CFH: variants seen among roughly 807,000 people sequenced by gnomAD.
CFH encodes the protein complement factor H, also known as H factor 1 (complement).
In CFH, 53 loss-of-function variants were observed where a neutral mutation model predicts 147.3. The observed-to-expected ratio is 0.36, with a 90% CI of 0.29 to 0.45. The LOEUF is 0.45. Among genes scored for constraint, CFH ranks in the 20% least tolerant of loss-of-function variants. CFH has a pLI of 1.00. For missense variants in CFH, 1,380 were observed against 1,498.0 expected, an observed-to-expected ratio of 0.92 and a Z score of 1.30; for synonymous variants, 536 against 489.4, an observed-to-expected ratio of 1.10 and a Z score of -1.26.
At chr1:196,696,205 T>C (rs1668260437) in intron 9 of CFH, among the ~76,000 whole-genome samples, 1 of 152,046 alleles carries the variant, frequency 6.6e-6, no homozygotes, top group Admixed American at 6.6e-5. Context: ...ACCATATAAT[T>C]GGAAGTAAAA....
At chr1:196,676,195 G>A (rs1667447419) in intron 4 of CFH, 130 bp downstream of exon 4, 1 of 567,800 alleles carries the variant, frequency 1.8e-6, no homozygotes, top group African/African-American at 1.9e-5. Flanking sequence ...ATACAATGTA[G>A]AGTGGGAATC....
intron 1 of CFH, among the ~76,000 whole-genome samples, chr1:196,657,249 GTA>G (rs1422633358): frequency 1.3e-5 from 2 of 151,770 alleles, no homozygotes; most frequent in Admixed American, 6.6e-5. Flanking sequence ...GTTTACAAAG[GTA>G]TATATGTTAC....
chr1:196,687,724 G>A (rs1667875420), intron 7 of CFH, among the ~76,000 whole-genome samples: 1 of 151,802 alleles, frequency 6.6e-6, no homozygotes, highest in Non-Finnish European at 1.5e-5. Context: ...AAATCCAATG[G>A]TAAATAGAAA....
At chr1:196,713,991 G>A in intron 10 of CFH, 74 bp downstream of exon 10, 4 of 1,300,458 alleles carry the variant, frequency 3.1e-6, no homozygotes, top group Non-Finnish European at 4.4e-6. Flanking sequence ...TCTTTTTGTG[G>A]GGGCTGATAT....
intron 9 of CFH, among the ~76,000 whole-genome samples, chr1:196,695,285 T>G (rs1369220381): frequency 6.6e-6 from 1 of 152,204 alleles, no homozygotes; most frequent in Non-Finnish European, 1.5e-5. Flanking sequence ...ATTGCTTGTT[T>G]TTGTCAGGTT....
At chr1:196,682,457 T>A (rs899595860) in intron 6 of CFH, among the ~76,000 whole-genome samples, 1 of 151,714 alleles carries the variant, frequency 6.6e-6, no homozygotes, top group African/African-American at 2.4e-5. Flanking sequence ...TGCTTGAGCA[T>A]AATCACCAGA....
intron 9 of CFH, chr1:196,700,721 C>G (rs1449166505): frequency 4.3e-6 from 2 of 465,554 alleles, no homozygotes; most frequent in Non-Finnish European, 5.6e-6. Flanking sequence ...CATTTACCTA[C>G]AGTCCAGTGC....
At chr1:196,747,023 A>G (rs375125645) in intron 21 of CFH, 88 bp from the exon 22 acceptor site, 2 of 1,576,524 alleles carry the variant, frequency 1.3e-6, no homozygotes, top group East Asian at 2.3e-5. Flanking sequence ...TTCCTGAACC[A>G]TCATATAACA....
intron 1 of CFH, among the ~76,000 whole-genome samples, chr1:196,669,431 G>A (rs1243185030): frequency 2.6e-5 from 4 of 152,120 alleles, no homozygotes; most frequent in South Asian, 4.1e-4. Context: ...TGGTTGCCTC[G>A]GAAGGAAAAA....
chr1:196,741,305 A>G (rs758361536), intron 18 of CFH: 2 of 179,538 alleles, frequency 1.1e-5, no homozygotes, highest in Non-Finnish European at 2.4e-5. Context: ...ACAGTTCCTC[A>G]TGACTGAGGA....
intron 1 of CFH, among the ~76,000 whole-genome samples, chr1:196,653,814 T>C (rs543378218): frequency 1.3e-5 from 2 of 152,236 alleles, no homozygotes; most frequent in Admixed American, 1.3e-4. Context: ...ATCGGCACTA[T>C]ATATGTTATG....
chr1:196,723,863 C>T (rs544696956), intron 11 of CFH, among the ~76,000 whole-genome samples: 175 of 151,960 alleles, frequency 1.2e-3, no homozygotes, highest in Non-Finnish European at 2.1e-3. Flanking sequence ...CTACAATGTC[C>T]GTCCTCTGGT....
At chr1:196,673,536 C>T in intron 2 of CFH, 1 of 376,742 alleles carries the variant, frequency 2.7e-6, no homozygotes, top group Non-Finnish European at 5.0e-6. Context: ...GGGGTTTCAC[C>T]AATGCTGGGC....
intron 9 of CFH, among the ~76,000 whole-genome samples, chr1:196,696,833 C>A (rs1229609072): frequency 6.6e-6 from 1 of 151,980 alleles, no homozygotes; most frequent in African/African-American, 2.4e-5. Context: ...CAGAACAGAG[C>A]CTTCAGAAAT....
intron 3 of CFH, 94 bp downstream of exon 3, chr1:196,674,056 G>T: frequency 1.1e-6 from 1 of 893,580 alleles, no homozygotes; most frequent in Non-Finnish European, 1.8e-6. Context: ...ATTTTTCTAT[G>T]AGCATTTAAA....
chr1:196,728,730 C>G (rs1248331009), intron 15 of CFH, among the ~76,000 whole-genome samples: 1 of 139,472 alleles, frequency 7.2e-6, no homozygotes, highest in African/African-American at 2.7e-5. Context: ...CACACACACA[C>G]ACGCACACAC....
chr1:196,689,564 A>G lies in CFH; in HGVS notation c.1109A>G (p.Asp370Gly). ...GAGACTCCGTCAGGAAGTTACTGGG[A>G]TCACATTCATTGCACACAAGATGGA... ...HFETPSGSYWDHIHCTQDGWS... is the reference protein window; with the variant it reads ...HFETPSGSYWGHIHCTQDGWS... Residue 370 changes from aspartate to glycine, a missense_variant, in exon 8 of 22, where the codon GAT becomes GGT. By Grantham distance (94) the Asp-to-Gly change is moderately conservative. Around this residue, in one of 4 missense-constraint regions of CFH, gnomAD observed 167 missense variants for 228.0 expected, o/e 0.73. Coordinates refer to ENST00000367429, the MANE Select transcript of CFH (RefSeq NM_000186.4). 6.2e-7 allele frequency: 1 copy of G among 1,613,578 alleles called. No individual in the cohort carries two copies. The highest frequency in any genetic ancestry group is 1.1e-5 in the South Asian group (1 of 91,078).
chr1:196,733,762 A>G (rs947475552), intron 15 of CFH, among the ~76,000 whole-genome samples: 2 of 152,068 alleles, frequency 1.3e-5, no homozygotes, highest in Non-Finnish European at 1.5e-5. Flanking sequence ...AAGAGTGATT[A>G]ATGTACCTGG....
chr1:196,692,474 C>T, intron 9 of CFH: 1 of 337,056 alleles, frequency 3.0e-6, no homozygotes, highest in Non-Finnish European at 4.2e-6. Context: ...GATTTTGGAG[C>T]TGATTGTAGA....
Sources: allele counts gnomAD v4.1 joint callset (sites outside exome capture counted in the v4.1 genomes callset), GRCh38; gene constraint gnomAD v4.1.1; regional missense constraint gnomAD v4.1.1; transcripts MANE v1.5; gene names NCBI Gene and HGNC (gene_info 2026-07-23, HGNC 2026-07-21).